The following OR8D4 variants were observed in gnomAD, a reference collection of about 807,000 sequenced individuals.
OR8D4 encodes the protein olfactory receptor family 8 subfamily D member 4.
For missense variants in OR8D4, 359 were observed against 372.6 expected (o/e 0.96, Z 0.30); for synonymous variants, 141 against 134.8 (o/e 1.05, Z -0.32).
Position 123,908,750 on chromosome 11 carries a change from T to C in OR8D4, c.*1374T>C, listed in dbSNP as rs1484403113. The C allele has an allele frequency of 1.3e-5, 2 of 151,992 alleles. No homozygotes were observed. Among genetic ancestry groups the C allele is most frequent in the Non-Finnish European group, 2.9e-5 (2 of 68,000 alleles). 9.4% of individuals were successfully genotyped at this position (151,992 alleles called of 1,614,324 possible). The stretch of plus-strand genomic sequence containing the variant: ...AAGGACATTTGAAATGAAACCTAAA[T>C]GAAGAAAAGGGTACAGTTATGCAGA... On this transcript the variant is annotated 3_prime_UTR_variant, in exon 2 of 2. Coordinates refer to ENST00000641687, the MANE Select transcript of OR8D4 (RefSeq NM_001005197.2).
At position 123,906,532 on chromosome 11, in the gene OR8D4, T is replaced by A. The variant is rs1863199792; in HGVS notation, c.101T>A (p.Ile34Asn). 6.2e-7 allele frequency: 1 copy of A among 1,613,760 alleles called. No homozygotes were observed. Among genetic ancestry groups the A allele is most frequent in the Non-Finnish European group, 8.5e-7 (1 of 1,179,832 alleles). Residue 34 changes from isoleucine (I) to asparagine (N), a missense_variant, in exon 2 of 2, where the codon ATT (isoleucine) becomes AAT (asparagine). Ile to Asn is a moderately radical substitution (Grantham distance 149). Transcript: ENST00000641687. The part of the protein sequence containing the change: ...QLPLFCLFLG[I>N]YTVTVVGNLS... Reference sequence around the variant, plus strand: ...CCCCTCTTCTGCCTCTTCTTAGGAATTTACACAGTTACTGTGGTGGGAAAC... The same window carrying A: ...CCCCTCTTCTGCCTCTTCTTAGGAAATTACACAGTTACTGTGGTGGGAAAC...
intron 1 of OR8D4, among the ~76,000 whole-genome samples, chr11:123,905,601 C>T (rs144799767): frequency 3.7e-4 from 57 of 152,246 alleles, no homozygotes; most frequent in Middle Eastern, 3.4e-3. Flanking sequence ...CAGTAGATAC[C>T]TTCTCTATAG....
chr11:123,907,039 G>A lies in OR8D4; in HGVS notation c.608G>A (p.Gly203Asp), dbSNP rs1393420740. 4 of 1,613,982 alleles carry A rather than the reference G, an allele frequency of 2.5e-6. No homozygotes were observed. In the East Asian group the frequency reaches 6.7e-5, roughly 27 times the overall value. Reference sequence around the variant, plus strand: ...GATGAGCTTTTGATTTTTGTCATTGGTGGATTTAACATGGTGGCCACAAGC... The same window carrying A: ...GATGAGCTTTTGATTTTTGTCATTGATGGATTTAACATGGTGGCCACAAGC... ...YIDELLIFVI[G>D]GFNMVATSLT... Residue 203 changes from glycine to aspartate, a missense_variant, in exon 2 of 2, where the codon GGT (glycine) becomes GAT (aspartate). Gly to Asp is a moderately conservative substitution (Grantham distance 94). Transcript: ENST00000641687.
chr11:123,904,869 C>A (rs1863187980), intron 1 of OR8D4, among the ~76,000 whole-genome samples: 1 of 152,118 alleles, frequency 6.6e-6, no homozygotes, highest in African/African-American at 2.4e-5. Context: ...GGTAGCTGGG[C>A]AGAATGAGAA....
At chr11:123,903,554 AC>A (rs1341028033) in intron 1 of OR8D4, among the ~76,000 whole-genome samples, 4 of 152,210 alleles carry the variant, frequency 2.6e-5, no homozygotes, top group Middle Eastern at 3.4e-3. Flanking sequence ...GCTAAAAACC[AC>A]CTGAGTCCTG....
intron 1 of OR8D4, among the ~76,000 whole-genome samples, chr11:123,902,903 A>C (rs889087125): frequency 6.6e-6 from 1 of 152,178 alleles, no homozygotes; most frequent in Non-Finnish European, 1.5e-5. Flanking sequence ...ATAATAAAAT[A>C]ATGTAAAATA....
intron 1 of OR8D4, among the ~76,000 whole-genome samples, chr11:123,903,728 A>G (rs1863178901): frequency 6.6e-6 from 1 of 152,114 alleles, no homozygotes; most frequent in South Asian, 2.1e-4. Flanking sequence ...AATGTGTATA[A>G]TTTTTCTTCC....
chr11:123,903,119 A>G (rs1863174085), intron 1 of OR8D4, among the ~76,000 whole-genome samples: 1 of 151,966 alleles, frequency 6.6e-6, no homozygotes, highest in Non-Finnish European at 1.5e-5. Flanking sequence ...ATATACTAAA[A>G]GAAATATTTA....
chr11:123,903,412 C>T (rs1044155120), intron 1 of OR8D4, among the ~76,000 whole-genome samples: 3 of 151,990 alleles, frequency 2.0e-5, no homozygotes, highest in South Asian at 4.1e-4. Flanking sequence ...GCCCGTGTGT[C>T]TGCATTATAT....
At chr11:123,903,071 G>GAAT (rs1338997829) in intron 1 of OR8D4, among the ~76,000 whole-genome samples, 20 of 151,674 alleles carry the variant, frequency 1.3e-4, no homozygotes, top group African/African-American at 3.6e-4. Context: ...TATCTGTACT[G>GAAT]AATATGTACA....
intron 1 of OR8D4, among the ~76,000 whole-genome samples, chr11:123,903,202 AGTT>A (rs1863175032): frequency 8.8e-5 from 1 of 11,382 alleles, no homozygotes; most frequent in African/African-American, 6.7e-4. Flanking sequence ...GGATGTGCTT[AGTT>A]AGGTTACATA....
At position 123,906,696 on chromosome 11, in the gene OR8D4, G is replaced by A; in HGVS notation, c.265G>A (p.Asp89Asn). ...PKMLSGFLCRDRSISYSGCMI... is the reference protein window; with the variant it reads ...PKMLSGFLCRNRSISYSGCMI... ...AATGCTATCAGGGTTTTTATGCAGAGATAGATCCATCTCCTATTCTGGATG... is the reference window on the plus strand; with the variant it reads ...AATGCTATCAGGGTTTTTATGCAGAAATAGATCCATCTCCTATTCTGGATG... The change falls in exon 2 of 2, where the codon GAT becomes AAT. Residue 89 changes from aspartate to asparagine, a missense_variant. Transcript: ENST00000641687. 1 of 1,613,890 alleles carries A rather than the reference G, an allele frequency of 6.2e-7. No homozygotes were observed. Among genetic ancestry groups the A allele is most frequent in the Non-Finnish European group, 8.5e-7 (1 of 1,179,812 alleles).
At chr11:123,904,762 T>C (rs1863186971) in intron 1 of OR8D4, among the ~76,000 whole-genome samples, 1 of 152,184 alleles carries the variant, frequency 6.6e-6, no homozygotes, top group African/African-American at 2.4e-5. Context: ...GTCACCTGCA[T>C]CCTGGGAACT....
intron 1 of OR8D4, among the ~76,000 whole-genome samples, chr11:123,903,372 A>C (rs1399380068): frequency 6.6e-6 from 1 of 152,140 alleles, no homozygotes; most frequent in Non-Finnish European, 1.5e-5. Flanking sequence ...CTGACTTTTT[A>C]CAAAATGAAC....
Position 123,907,330 on chromosome 11 carries a change from C to T in OR8D4, c.899C>T (p.Ala300Val). The T allele has an allele frequency of 3.3e-6, 5 of 1,507,972 alleles. No individual in the cohort carries two copies. The highest frequency in any genetic ancestry group is 4.5e-6 in the Non-Finnish European group (5 of 1,100,512). The allele number at this position is 1,507,972 out of a possible 1,614,324, so 93.4% of individuals were successfully genotyped here. ...YSLRNNEVRNALMKLLRRKIS... is the reference protein window; with the variant it reads ...YSLRNNEVRNVLMKLLRRKIS... ...CTGAGGAACAATGAAGTAAGAAATG[C>T]TCTGATGAAACTTTTAAGAAGAAAA... The change falls in exon 2 of 2, where the codon GCT (alanine) becomes GTT (valine). Residue 300 changes from alanine (A) to valine (V), a missense_variant. Coordinates refer to ENST00000641687, the MANE Select transcript of OR8D4 (RefSeq NM_001005197.2).
At position 123,902,258 on chromosome 11, in the gene OR8D4, G is replaced by A. The variant is rs762992701; in HGVS notation, c.-16+1G>A. On this transcript the variant is annotated splice_donor_variant, in intron 1 of 1. Coordinates refer to ENST00000641687, the MANE Select transcript of OR8D4 (RefSeq NM_001005197.2). LOFTEE classifies it low-confidence loss of function (5UTR_SPLICE). ...ACCTACAGTCTTCAGGAGGAAAAAG[G>A]TGAGCTTCAGAATTATGATGTTCAT... 8.5e-5 allele frequency: 13 copies of A among 152,124 alleles called. No homozygotes were observed. Among genetic ancestry groups the A allele is most frequent in the East Asian group, 3.9e-4 (2 of 5,192 alleles). 9.4% of individuals were successfully genotyped at this position (152,124 alleles called of 1,614,324 possible).
chr11:123,904,591 C>T (rs548505095), intron 1 of OR8D4, among the ~76,000 whole-genome samples: 2 of 152,178 alleles, frequency 1.3e-5, no homozygotes, highest in Non-Finnish European at 2.9e-5. Flanking sequence ...TGGACACTCA[C>T]TTTTGCACGT....
intron 1 of OR8D4, among the ~76,000 whole-genome samples, chr11:123,903,174 G>T (rs143455907): frequency 0.014 from 2,002 of 138,834 alleles, 40 homozygotes; most frequent in African/African-American, 0.051. Flanking sequence ...ATCTAGAGAT[G>T]ATTTAAAGTA....
At chr11:123,905,496 T>C (rs1863192251) in intron 1 of OR8D4, among the ~76,000 whole-genome samples, 1 of 152,182 alleles carries the variant, frequency 6.6e-6, no homozygotes, top group Non-Finnish European at 1.5e-5. Flanking sequence ...CCTCAGATAC[T>C]TATTTAATGT....
Sources: allele counts gnomAD v4.1 joint callset (sites outside exome capture counted in the v4.1 genomes callset), GRCh38; gene constraint gnomAD v4.1.1; transcripts MANE v1.5; gene names NCBI Gene and HGNC (gene_info 2026-07-23, HGNC 2026-07-21).